C12orf56: variants seen among roughly 807,000 people sequenced by gnomAD.
C12orf56 encodes the protein uncharacterized protein C12orf56.
Under a neutral mutation model 69.9 loss-of-function variants are expected in C12orf56, and 71 were observed. That is an observed-to-expected ratio of 1.02 (90% CI 0.84 to 1.24). The LOEUF (loss-of-function observed/expected upper bound fraction) is 1.24. Among genes scored for constraint, C12orf56 ranks in the 50% most tolerant of loss-of-function variants. C12orf56 has a pLI of 0.00. For missense variants in C12orf56, 732 were observed against 738.5 expected, an observed-to-expected ratio of 0.99 and a Z score of 0.10; for synonymous variants, 276 against 274.1, an observed-to-expected ratio of 1.01 and a Z score of -0.07.
chr12:64,323,319 A>G (rs533224142), intron 3 of C12orf56, among the ~76,000 whole-genome samples: 1 of 152,324 alleles, frequency 6.6e-6, no homozygotes, highest in East Asian at 1.9e-4. Flanking sequence ...GTATTCATAC[A>G]TTTAAAATAG....
At chr12:64,311,752 C>T (rs1037411922) in intron 5 of C12orf56, among the ~76,000 whole-genome samples, 7 of 152,104 alleles carry the variant, frequency 4.6e-5, no homozygotes, top group East Asian at 1.9e-4. Context: ...ATTTTTTGTA[C>T]GCTGTTTAGA....
chr12:64,376,191 T>G (rs1035753061), intron 1 of C12orf56, among the ~76,000 whole-genome samples: 2 of 152,270 alleles, frequency 1.3e-5, no homozygotes, highest in Non-Finnish European at 1.5e-5. Context: ...GGCTACAAAA[T>G]TCTGCCTCAT....
At chr12:64,344,872 T>C (rs1341301048) in intron 2 of C12orf56, among the ~76,000 whole-genome samples, 1 of 152,138 alleles carries the variant, frequency 6.6e-6, no homozygotes, top group Non-Finnish European at 1.5e-5. Flanking sequence ...TCCGGCTCAC[T>C]CACAGTGGGC....
intron 4 of C12orf56, 42 bp downstream of exon 4, chr12:64,318,533 A>T: frequency 7.0e-7 from 1 of 1,436,320 alleles, no homozygotes; most frequent in Non-Finnish European, 9.2e-7. Flanking sequence ...AAAAATAAAA[A>T]TATAAAAATT....
intron 1 of C12orf56, among the ~76,000 whole-genome samples, chr12:64,388,795 G>A (rs1290464128): frequency 1.3e-5 from 2 of 152,108 alleles, no homozygotes; most frequent in African/African-American, 2.4e-5. Flanking sequence ...AGGCTGAGGC[G>A]GCAGTGAGCC....
rs1565783035 is a variant in C12orf56, at chr12:64,380,115, A to AC, written c.252+10198_252+10199insG. ...GCAAGACTCCGTCGCAAAAAAAAAAAAAAAAAAAAAAAAAAAAAACAAAAC... is the reference window on the plus strand; with the variant it reads ...GCAAGACTCCGTCGCAAAAAAAAAAACAAAAAAAAAAAAAAAAAAACAAAAC... On this transcript the variant is annotated intron_variant, in intron 1 of 12. Transcript: ENST00000543942. Among the ~76,000 whole-genome samples the AC allele has an allele frequency of 6.0e-3, 465 of 77,108 alleles. 17 individuals carry two copies. The highest frequency in any genetic ancestry group is 0.018 in the African/African-American group (435 of 23,836). The allele number at this position is 77,108 out of a possible 152,430, so 50.6% of individuals were successfully genotyped here.
At chr12:64,332,756 C>T (rs2038948321) in intron 2 of C12orf56, among the ~76,000 whole-genome samples, 1 of 152,182 alleles carries the variant, frequency 6.6e-6, no homozygotes, top group Non-Finnish European at 1.5e-5. Flanking sequence ...GGATTTGTGA[C>T]ATTTGTTCTT....
chr12:64,273,879 T>C (rs2038019598), intron 11 of C12orf56, among the ~76,000 whole-genome samples: 1 of 151,958 alleles, frequency 6.6e-6, no homozygotes, highest in South Asian at 2.1e-4. Context: ...ACCCCACAAT[T>C]TCACATGGAG....
intron 8 of C12orf56, among the ~76,000 whole-genome samples, chr12:64,283,013 A>G (rs959078529): frequency 6.6e-6 from 1 of 151,600 alleles, no homozygotes; most frequent in Non-Finnish European, 1.5e-5. Context: ...ATGGTGGTGC[A>G]CGCCTGTAAT....
chr12:64,317,861 C>T (rs569195576), intron 4 of C12orf56, among the ~76,000 whole-genome samples: 4 of 152,090 alleles, frequency 2.6e-5, no homozygotes, highest in African/African-American at 2.4e-5. Flanking sequence ...ATAACAAGGT[C>T]TCCCCCATCA....
chr12:64,346,883 T>G (rs1468784948), intron 2 of C12orf56, among the ~76,000 whole-genome samples: 5 of 152,136 alleles, frequency 3.3e-5, no homozygotes, highest in African/African-American at 1.2e-4. Flanking sequence ...TGCACTCCAG[T>G]CTGGGCAACA....
intron 5 of C12orf56, among the ~76,000 whole-genome samples, chr12:64,308,959 G>GAAAGAAAGAAAGA (rs2038567963): frequency 9.1e-6 from 1 of 109,938 alleles, no homozygotes; most frequent in Non-Finnish European, 1.9e-5. Flanking sequence ...AAGAAAGAAA[G>GAAAGAAAGAAAGA]AAAGAAAGAA....
intron 6 of C12orf56, among the ~76,000 whole-genome samples, chr12:64,286,898 C>G (rs2038209628): frequency 6.6e-6 from 1 of 152,038 alleles, no homozygotes; most frequent in African/African-American, 2.4e-5. Flanking sequence ...GGAAGAGAAG[C>G]AGGATGTTTA....
At chr12:64,333,758 T>C (rs2136869896) in intron 2 of C12orf56, among the ~76,000 whole-genome samples, 1 of 152,364 alleles carries the variant, frequency 6.6e-6, no homozygotes, top group South Asian at 2.1e-4. Context: ...CACCTTGGCC[T>C]CCCAATGTGC....
intron 3 of C12orf56, among the ~76,000 whole-genome samples, chr12:64,323,490 C>G (rs963032124): frequency 6.6e-6 from 1 of 151,700 alleles, no homozygotes; most frequent in Non-Finnish European, 1.5e-5. Context: ...CTTTTTAAAC[C>G]TAAAATGCAT....
chr12:64,302,068 G>C (rs762268176), intron 6 of C12orf56, among the ~76,000 whole-genome samples: 2 of 152,150 alleles, frequency 1.3e-5, no homozygotes, highest in Non-Finnish European at 2.9e-5. Context: ...GACTGGAGAG[G>C]TTTATTTGGG....
intron 1 of C12orf56, among the ~76,000 whole-genome samples, chr12:64,363,115 C>T (rs1171698506): frequency 1.3e-5 from 2 of 152,138 alleles, no homozygotes; most frequent in East Asian, 3.8e-4. Flanking sequence ...CAGTAGGTCG[C>T]AGCCTCATTT....
intron 1 of C12orf56, among the ~76,000 whole-genome samples, chr12:64,360,177 G>A (rs1267441997): frequency 6.6e-6 from 1 of 152,032 alleles, no homozygotes; most frequent in Non-Finnish European, 1.5e-5. Context: ...TGTAATCCCA[G>A]CACTTTGGGA....
chr12:64,320,172 G>A (rs901332182), intron 3 of C12orf56, among the ~76,000 whole-genome samples: 2 of 152,210 alleles, frequency 1.3e-5, no homozygotes, highest in African/African-American at 2.4e-5. Flanking sequence ...GTTCTCTTCC[G>A]TGACCCACGG....
Sources: gnomAD v4.1 joint callset for allele counts (sites outside exome capture counted in the v4.1 genomes callset) on GRCh38, gnomAD v4.1.1 for gene constraint, MANE v1.5 for transcripts, NCBI Gene and HGNC (gene_info 2026-07-23, HGNC 2026-07-21) for gene names.